The following SPATA6L variants were observed in gnomAD, a reference collection of about 807,000 sequenced individuals.
SPATA6L encodes spermatogenesis associated 6-like protein.
SPATA6L carries 68 observed loss-of-function variants against 49.2 expected under a neutral mutation model. The ratio of observed to expected loss-of-function variants is 1.38; its 90% CI spans 1.14 to 1.69. The LOEUF (loss-of-function observed/expected upper bound fraction) is 1.69. SPATA6L is among the 40% of genes most tolerant of loss of function. The pLI is 0.00. For synonymous variants in SPATA6L, 198 were observed against 165.7 expected, an observed-to-expected ratio of 1.19 and a Z score of -1.50; for missense variants, 668 against 464.3, an observed-to-expected ratio of 1.44 and a Z score of -4.03.
intron 3 of SPATA6L, among the ~76,000 whole-genome samples, chr9:4,641,531 T>C (rs1564264232): frequency 6.6e-6 from 1 of 152,206 alleles, no homozygotes; most frequent in Non-Finnish European, 1.5e-5. Context: ...ATAGTTGTTA[T>C]GCTGTATTGT....
chr9:4,625,427 T>C lies in SPATA6L; in HGVS notation c.569A>G (p.Tyr190Cys), dbSNP rs756831705. 3 of 1,614,164 alleles carry C rather than the reference T, an allele frequency of 1.9e-6. No homozygotes were observed. The South Asian group carries it at 3.3e-5, about 18-fold the overall frequency. The change falls in exon 6 of 12, where the codon TAT becomes TGT. Residue 190 changes from tyrosine (Y) to cysteine (C), a missense_variant. Physicochemically the swap from Tyr to Cys is radical, Grantham distance 194 (BLOSUM62 -2). Coordinates refer to ENST00000682582, the MANE Select transcript of SPATA6L (RefSeq NM_001353486.2). ...KGMQARAPSQYSTRHFFQDQP... is the reference protein window; with the variant it reads ...KGMQARAPSQCSTRHFFQDQP... ...GTCCTGGAAGAAATGCCTGGTAGAATATTGAGAGGGCGCCCGGGCTTGCAT... is the reference window on the plus strand; with the variant it reads ...GTCCTGGAAGAAATGCCTGGTAGAACATTGAGAGGGCGCCCGGGCTTGCAT...
chr9:4,624,868 T>C (rs115575196), intron 6 of SPATA6L, among the ~76,000 whole-genome samples: 1,814 of 152,164 alleles, frequency 0.012, 25 homozygotes, highest in African/African-American at 0.038. Flanking sequence ...TTCCTACAAA[T>C]AAAACTTTTC....
chr9:4,652,256 A>T (rs1837075746), intron 3 of SPATA6L, among the ~76,000 whole-genome samples: 2 of 152,156 alleles, frequency 1.3e-5, no homozygotes, highest in African/African-American at 4.8e-5. Flanking sequence ...CCCCGTCTCT[A>T]CTAAAAATAC....
At chr9:4,632,471 C>G (rs980895997) in intron 4 of SPATA6L, among the ~76,000 whole-genome samples, 2 of 151,834 alleles carry the variant, frequency 1.3e-5, no homozygotes, top group African/African-American at 4.8e-5. Context: ...TGGTGAGTGC[C>G]TGTAATCCCA....
chr9:4,590,512 G>T (rs560283866), intron 13 of SPATA6L, among the ~76,000 whole-genome samples: 11 of 152,238 alleles, frequency 7.2e-5, no homozygotes, highest in African/African-American at 2.6e-4. Context: ...CACTTTTAAG[G>T]TATCACCAAG....
intron 3 of SPATA6L, chr9:4,646,334 A>AC (rs201869256): frequency 0.014 from 5,934 of 425,864 alleles, 288 homozygotes; most frequent in African/African-American, 0.1. Context: ...ATAGATTGGC[A>AC]GAAAAAAGGC....
Position 4,662,739 on chromosome 9 carries a change from G to C in SPATA6L, c.40-703C>G, listed in dbSNP as rs1355441809. ...GTCCAAGAAGCTGGGGGTGTGCGCG[G>C]GAGAGAGCTCGTCGTGGGGCAGCGT... is the stretch of plus-strand genomic sequence containing the variant. On this transcript the variant is annotated intron_variant, in intron 1 of 11. Coordinates refer to ENST00000682582, the MANE Select transcript of SPATA6L (RefSeq NM_001353486.2). This position sits in a 1 kb window ranked among gnomAD's most constrained non-coding sequence, Gnocchi z 4.9. The C allele has an allele frequency of 6.2e-7, 1 of 1,603,320 alleles. No individual in the cohort carries two copies. Among genetic ancestry groups the C allele is most frequent in the Non-Finnish European group, 8.5e-7 (1 of 1,179,916 alleles).
intron 5 of SPATA6L, chr9:4,625,989 G>C (rs1270477291): frequency 1.3e-5 from 2 of 157,244 alleles, no homozygotes; most frequent in East Asian, 1.9e-4. Context: ...CAGCTGTATT[G>C]GTGAGTAAGC....
At chr9:4,663,369 C>T in intron 1 of SPATA6L, 1 of 1,225,352 alleles carries the variant, frequency 8.2e-7, no homozygotes, top group East Asian at 2.3e-5. Flanking sequence ...GCATTTCAGG[C>T]TTCCTTTGGG....
intron 9 of SPATA6L, among the ~76,000 whole-genome samples, chr9:4,617,104 TA>T (rs1360211388): frequency 2.6e-5 from 4 of 152,186 alleles, no homozygotes; most frequent in African/African-American, 7.2e-5. Context: ...ATAATTCCTG[TA>T]AAAATTTCAG....
In SPATA6L at chr9:4,619,360, G is replaced by A. The variant is rs182049787; in HGVS notation, c.773-462C>T. ...TTTAGTAGAAATGGGGTTTCACTAC[G>A]TTGGCAAGGCTGGTCTCGAACTCCT... On this transcript the variant is annotated intron_variant, in intron 7 of 11. Coordinates refer to ENST00000682582, the MANE Select transcript of SPATA6L (RefSeq NM_001353486.2). Among the ~76,000 whole-genome samples the A allele has an allele frequency of 2.7e-3, 410 of 151,936 alleles. 4 individuals are homozygous for A. Among genetic ancestry groups the A allele is most frequent in the Admixed American group, 5.6e-3 (86 of 15,254 alleles).
At chr9:4,635,829 G>C (rs988104635) in intron 3 of SPATA6L, among the ~76,000 whole-genome samples, 1 of 152,158 alleles carries the variant, frequency 6.6e-6, no homozygotes, top group African/African-American at 2.4e-5. Context: ...CAAGGGCCCA[G>C]ATGACAGCTA....
intron 2 of SPATA6L, among the ~76,000 whole-genome samples, chr9:4,660,222 C>G (rs757604363): frequency 4.9e-4 from 75 of 152,260 alleles, no homozygotes; most frequent in Admixed American, 1.6e-3. Flanking sequence ...GCAAAAGAAA[C>G]TACCATTAGA....
chr9:4,634,830 G>A (rs1354559186), intron 4 of SPATA6L, among the ~76,000 whole-genome samples: 1 of 152,156 alleles, frequency 6.6e-6, no homozygotes, highest in East Asian at 1.9e-4. Context: ...ATATCAATTT[G>A]CGAGCCTCTG....
At chr9:4,604,105 G>T in intron 11 of SPATA6L, 74 bp downstream of exon 11, 1 of 969,980 alleles carries the variant, frequency 1.0e-6, no homozygotes, top group East Asian at 2.5e-5. Flanking sequence ...ATATTGATAG[G>T]AGGAAACTGA....
chr9:4,635,318 C>T lies in SPATA6L; in HGVS notation c.308G>A (p.Arg103Lys). 1 of 1,586,082 alleles carries T rather than the reference C, an allele frequency of 6.3e-7. No homozygotes were observed. Among genetic ancestry groups the T allele is most frequent in the Non-Finnish European group, 8.5e-7 (1 of 1,170,204 alleles). Residue 103 changes from arginine (R) to lysine (K), a missense_variant, in exon 4 of 12, where the codon AGG (arginine) becomes AAG (lysine). Coordinates refer to ENST00000682582, the MANE Select transcript of SPATA6L (RefSeq NM_001353486.2). ...CTTCATGAGCACCTCCCTACACCTCCTAGGGTGCGAAGGTGTCAGCTTGGG... is the reference window on the plus strand; with the variant it reads ...CTTCATGAGCACCTCCCTACACCTCTTAGGGTGCGAAGGTGTCAGCTTGGG... ...PEPKLTPSHPRRCREVLMKTA... is the reference protein window; with the variant it reads ...PEPKLTPSHPKRCREVLMKTA...
chr9:4,633,752 T>A (rs1832161745), intron 4 of SPATA6L: 2 of 152,330 alleles, frequency 1.3e-5, no homozygotes, highest in Admixed American at 6.5e-5. Context: ...CTTCTACTTC[T>A]GAGTCCAGTC....
intron 5 of SPATA6L, chr9:4,627,802 G>C: frequency 7.8e-7 from 1 of 1,289,336 alleles, no homozygotes; most frequent in Non-Finnish European, 1.0e-6. Context: ...GCAAAAGAAA[G>C]GTGGCCCCAT....
chr9:4,652,279 G>A (rs1027738096), intron 3 of SPATA6L, among the ~76,000 whole-genome samples: 4 of 151,936 alleles, frequency 2.6e-5, no homozygotes, highest in Admixed American at 6.6e-5. Context: ...AAAATTAGCC[G>A]GGTGTGGTGG....
Sources: allele counts gnomAD v4.1 joint callset (sites outside exome capture counted in the v4.1 genomes callset), GRCh38; gene constraint gnomAD v4.1.1; non-coding constraint Gnocchi (gnomAD v3.1); transcripts MANE v1.5; gene names NCBI Gene and HGNC (gene_info 2026-07-23, HGNC 2026-07-21).